BMP6: variants seen among roughly 807,000 people sequenced by gnomAD.
The protein encoded by BMP6 is VG-1-R.
BMP6 carries 17 observed loss-of-function variants against 54.1 expected under a neutral mutation model. That is an observed-to-expected ratio of 0.31 (90% CI 0.22 to 0.47). The LOEUF is 0.47. Ranked by LOEUF, BMP6 falls within the 20% of genes least tolerant of loss-of-function variation. The pLI, the probability that BMP6 is intolerant of heterozygous loss-of-function variation, is 1.00. For missense variants in BMP6, 720 were observed against 690.4 expected, an observed-to-expected ratio of 1.04 and a Z score of -0.48; for synonymous variants, 328 against 291.2, an observed-to-expected ratio of 1.13 and a Z score of -1.28.
At chr6:7,784,325 ATATGAAAG>A (rs1162681092) in intron 1 of BMP6, among the ~76,000 whole-genome samples, 1 of 152,196 alleles carries the variant, frequency 6.6e-6, no homozygotes, top group African/African-American at 2.4e-5. Context: ...TTTTTAAGGA[ATATGAAAG>A]TATGAAAGTA....
chr6:7,827,432 G>A (rs1311554432), intron 1 of BMP6, among the ~76,000 whole-genome samples: 1 of 152,234 alleles, frequency 6.6e-6, no homozygotes, highest in Admixed American at 6.5e-5. Context: ...TTTTGAATTA[G>A]AGGAGGGAGA....
intron 4 of BMP6, among the ~76,000 whole-genome samples, chr6:7,872,273 CTG>C (rs1759540286): frequency 6.8e-6 from 1 of 147,194 alleles, no homozygotes; most frequent in African/African-American, 2.5e-5. Context: ...TTTCTGTAAT[CTG>C]TAATCTGTCA....
At chr6:7,789,641 A>G (rs1243099929) in intron 1 of BMP6, among the ~76,000 whole-genome samples, 1 of 152,188 alleles carries the variant, frequency 6.6e-6, no homozygotes, top group Non-Finnish European at 1.5e-5. Context: ...AGAGGGGGTC[A>G]CTTGCTCCCA....
At chr6:7,802,064 C>A (rs184786266) in intron 1 of BMP6, among the ~76,000 whole-genome samples, 100 of 152,298 alleles carry the variant, frequency 6.6e-4, no homozygotes, top group Non-Finnish European at 1.2e-3. Flanking sequence ...AGAGGACCTG[C>A]CAACAGGCCA....
intron 1 of BMP6, among the ~76,000 whole-genome samples, chr6:7,836,417 C>G (rs575781386): frequency 4.5e-4 from 68 of 152,190 alleles, no homozygotes; most frequent in Middle Eastern, 6.8e-3. Context: ...GATAAGGGGT[C>G]ATAGAATAAT....
intron 4 of BMP6, among the ~76,000 whole-genome samples, chr6:7,866,191 T>C (rs1226646049): frequency 6.6e-6 from 1 of 152,256 alleles, no homozygotes; most frequent in East Asian, 1.9e-4. Context: ...GTTGGCTCTG[T>C]TATACTTCTC....
chr6:7,770,442 T>C (rs913262248), intron 1 of BMP6, among the ~76,000 whole-genome samples: 2 of 152,152 alleles, frequency 1.3e-5, no homozygotes, highest in African/African-American at 4.8e-5. Context: ...CCGGTAAAGA[T>C]TGCATAGTCT....
Position 7,814,036 on chromosome 6 carries a change from C to T in BMP6, c.665-31104C>T, listed in dbSNP as rs187095898. ...TCTTGCTGACTGTCAGCCAGGGCTG[C>T]TCTCAGATCCTAGAAGCTGCCTGTA... On this transcript the variant is annotated intron_variant, in intron 1 of 6. Coordinates refer to ENST00000283147, the MANE Select transcript of BMP6 (RefSeq NM_001718.6). Among the ~76,000 whole-genome samples the T allele has an allele frequency of 7.2e-5, 11 of 152,300 alleles. No individual in the cohort carries two copies. In the East Asian group the frequency reaches 2.1e-3, roughly 29 times the overall value.
intron 4 of BMP6, among the ~76,000 whole-genome samples, chr6:7,876,630 T>A (rs1759621024): frequency 2.0e-5 from 3 of 152,262 alleles, no homozygotes; most frequent in African/African-American, 7.2e-5. Context: ...TGATTATCTG[T>A]TTAATGTATA....
chr6:7,872,952 A>C (rs1196086368), intron 4 of BMP6, among the ~76,000 whole-genome samples: 1 of 151,934 alleles, frequency 6.6e-6, no homozygotes, highest in Non-Finnish European at 1.5e-5. Context: ...AGCCGAGACC[A>C]CAGGCACACA....
chr6:7,743,399 T>C (rs1267628092), intron 1 of BMP6, among the ~76,000 whole-genome samples: 1 of 152,206 alleles, frequency 6.6e-6, no homozygotes, highest in African/African-American at 2.4e-5. Flanking sequence ...TTAGAATCAT[T>C]TATCTTGTGC....
chr6:7,825,437 T>C (rs1758679438), intron 1 of BMP6, among the ~76,000 whole-genome samples: 1 of 152,186 alleles, frequency 6.6e-6, no homozygotes, highest in African/African-American at 2.4e-5. Context: ...TTAGTGGTTT[T>C]AGGCCAGGCG....
intron 1 of BMP6, among the ~76,000 whole-genome samples, chr6:7,825,114 C>T (rs563632604): frequency 1.4e-4 from 22 of 152,224 alleles, no homozygotes; most frequent in African/African-American, 5.1e-4. Context: ...GCCAGGAGTT[C>T]GAGACCAGTC....
At chr6:7,768,014 C>G (rs1757718405) in intron 1 of BMP6, among the ~76,000 whole-genome samples, 1 of 152,010 alleles carries the variant, frequency 6.6e-6, no homozygotes, top group Non-Finnish European at 1.5e-5. Context: ...GTTTTTTTCT[C>G]CCCGCTTGGG....
chr6:7,765,220 A>T (rs1168587559), intron 1 of BMP6, among the ~76,000 whole-genome samples: 1 of 152,134 alleles, frequency 6.6e-6, no homozygotes, highest in African/African-American at 2.4e-5. Context: ...AGGGATGCTG[A>T]TGAGCCCAGG....
At chr6:7,728,256 A>G (rs1317821496) in intron 1 of BMP6, among the ~76,000 whole-genome samples, 1 of 152,202 alleles carries the variant, frequency 6.6e-6, no homozygotes, top group African/African-American at 2.4e-5. Context: ...GGCGGGATGA[A>G]AGCTCAACTG....
chr6:7,815,655 A>C (rs1019108976), intron 1 of BMP6, among the ~76,000 whole-genome samples: 7 of 152,230 alleles, frequency 4.6e-5, no homozygotes, highest in African/African-American at 1.7e-4. Context: ...TTGAATTACA[A>C]ATTCAAAAAG....
Position 7,845,123 on chromosome 6 carries a change from C to A in BMP6, c.665-17C>A. Reference sequence around the variant, plus strand: ...CAAGTAACAATAGTTGTCACTCTCTCTTGTTTAATCTTATAGTGGAGTACG... The same window carrying A: ...CAAGTAACAATAGTTGTCACTCTCTATTGTTTAATCTTATAGTGGAGTACG... On this transcript the variant is annotated splice_polypyrimidine_tract_variant and intron_variant, in intron 1 of 6. Transcript: ENST00000283147. 1 of 1,602,234 alleles carries A rather than the reference C, an allele frequency of 6.2e-7. No homozygotes were observed. The highest frequency in any genetic ancestry group is 8.5e-7 in the Non-Finnish European group (1 of 1,171,872).
intron 1 of BMP6, among the ~76,000 whole-genome samples, chr6:7,840,522 T>C (rs1438774552): frequency 6.6e-6 from 1 of 152,168 alleles, no homozygotes; most frequent in African/African-American, 2.4e-5. Context: ...TTTGTTCCTA[T>C]GTGTTGGCCA....
Sources: allele counts gnomAD v4.1 joint callset (sites outside exome capture counted in the v4.1 genomes callset), GRCh38; gene constraint gnomAD v4.1.1; transcripts MANE v1.5; gene names NCBI Gene and HGNC (gene_info 2026-07-23, HGNC 2026-07-21).